Variants in IGSF3 observed in about 807,000 individuals in gnomAD.
IGSF3 encodes glu-Trp-Ile EWI motif-containing protein 3.
IGSF3 carries 23 observed loss-of-function variants against 114.4 expected under a neutral mutation model. The ratio of observed to expected loss-of-function variants is 0.20; its 90% CI spans 0.14 to 0.28. The LOEUF is 0.28. IGSF3 is among the 10% of genes least tolerant of loss of function. The pLI, the probability that IGSF3 is intolerant of heterozygous loss-of-function variation, is 1.00. For missense variants in IGSF3, 1,172 were observed against 1,591.5 expected (o/e 0.74, Z 4.48); for synonymous variants, 571 against 645.2 (o/e 0.88, Z 1.74).
intron 8 of IGSF3, among the ~76,000 whole-genome samples, chr1:116,586,942 A>G (rs1034280024): frequency 6.6e-6 from 1 of 152,032 alleles, no homozygotes; most frequent in African/African-American, 2.4e-5. Context: ...TTCAGACCAG[A>G]GCTTCCTGTT....
chr1:116,579,325 C>G lies in IGSF3; in HGVS notation c.3334+67G>C. ...CTGTTTATTAACCCATAATCAAGCT[C>G]AAATTTATCTTCCAGACACAGTTGG... On this transcript the variant is annotated intron_variant, in intron 10 of 10. Transcript: ENST00000369486. The surrounding 1 kb of genome is among the most constrained non-coding windows in gnomAD (Gnocchi z 6.4). 5 of 1,509,494 alleles carry G rather than the reference C, an allele frequency of 3.3e-6. No homozygotes were observed. Among genetic ancestry groups the G allele is most frequent in the Non-Finnish European group, 4.4e-6 (5 of 1,129,330 alleles). 93.5% of individuals were successfully genotyped at this position (1,509,494 alleles called of 1,614,324 possible). A position where few individuals can be genotyped will look rare whatever the true frequency, so the allele number is the denominator to read the frequency against.
rs1343417664 is a variant in IGSF3 at position 116,657,153 on chromosome 1, A to G, written c.43+9131T>C. Among the ~76,000 whole-genome samples the G allele has an allele frequency of 6.6e-6, 1 of 152,286 alleles. No individual in the cohort carries two copies. Among genetic ancestry groups the G allele is most frequent in the Non-Finnish European group, 1.5e-5 (1 of 68,032 alleles). The stretch of plus-strand genomic sequence containing the variant: ...AAAGACTGTAAAATTTCATTCTCTG[A>G]AAGTCTTTTTAAAAAGGAATAGATT... On this transcript the variant is annotated intron_variant, in intron 2 of 10. Coordinates refer to ENST00000369486, the MANE Select transcript of IGSF3 (RefSeq NM_001007237.3). This position sits in a 1 kb window ranked among gnomAD's most constrained non-coding sequence, Gnocchi z 4.2.
At chr1:116,635,549 C>T (rs531499502) in intron 2 of IGSF3, among the ~76,000 whole-genome samples, 159 of 152,376 alleles carry the variant, frequency 1.0e-3, no homozygotes, top group African/African-American at 3.6e-3. Flanking sequence ...AGTACATCAT[C>T]CTTTCCAATG....
At chr1:116,590,384 C>A (rs1280380804) in intron 7 of IGSF3, among the ~76,000 whole-genome samples, 5 of 150,022 alleles carry the variant, frequency 3.3e-5, no homozygotes, top group Admixed American at 6.6e-5. Context: ...AAAAAAAAAA[C>A]AAAAAAACAA....
chr1:116,575,737 G>A lies in IGSF3; in HGVS notation c.*1575C>T, dbSNP rs1185703633. The A allele has an allele frequency of 6.6e-6, 1 of 152,240 alleles. No homozygotes were observed. Among genetic ancestry groups the A allele is most frequent in the Non-Finnish European group, 1.5e-5 (1 of 68,058 alleles). The allele number at this position is 152,240 out of a possible 1,614,324, so 9.4% of individuals were successfully genotyped here. A position where few individuals can be genotyped will look rare whatever the true frequency, so the allele number is the denominator to read the frequency against. On this transcript the variant is annotated 3_prime_UTR_variant, in exon 11 of 11. Transcript: ENST00000369486. This position sits in a 1 kb window ranked among gnomAD's most constrained non-coding sequence, Gnocchi z 5.6. ...AAGGGTATAAGAACATCTTCATAAA[G>A]GGAGCAAAAGGAAATATTTGCAATT...
In IGSF3 at chr1:116,634,874, C is replaced by A. The variant is rs941719700; in HGVS notation, c.44-18417G>T. On this transcript the variant is annotated intron_variant, in intron 2 of 10. Transcript: ENST00000369486. The surrounding 1 kb of genome is among the most constrained non-coding windows in gnomAD (Gnocchi z 4.2). ...CTGAGTTGCGGTGTAAGCCATCTGC[C>A]TGCTCCGAGCCCGCCACACTATAAG... is the stretch of plus-strand genomic sequence containing the variant. 6.6e-6 allele frequency among the ~76,000 whole-genome samples: 1 copy of A among 152,092 alleles called. No individual in the cohort carries two copies. Among genetic ancestry groups the A allele is most frequent in the African/African-American group, 2.4e-5 (1 of 41,410 alleles).
chr1:116,639,216 G>A (rs993988949), intron 2 of IGSF3, among the ~76,000 whole-genome samples: 25 of 152,320 alleles, frequency 1.6e-4, no homozygotes, highest in Admixed American at 1.5e-3. Flanking sequence ...CGCCAATAGG[G>A]CCAATACTGG....
rs1159691485 is a variant in IGSF3, at chr1:116,638,228, G to A, written c.44-21771C>T. 6.6e-6 allele frequency among the ~76,000 whole-genome samples: 1 copy of A among 152,142 alleles called. No individual in the cohort carries two copies. Among genetic ancestry groups the A allele is most frequent in the African/African-American group, 2.4e-5 (1 of 41,428 alleles). The stretch of plus-strand genomic sequence containing the variant: ...TCTTTTGTTCTTTCATCAAGCCAGG[G>A]ACTCCTGCTCCTCTCTCCCTAGTCT... On this transcript the variant is annotated intron_variant, in intron 2 of 10. Coordinates refer to ENST00000369486, the MANE Select transcript of IGSF3 (RefSeq NM_001007237.3). This position sits in a 1 kb window ranked among gnomAD's most constrained non-coding sequence, Gnocchi z 4.1.
Position 116,615,307 on chromosome 1 carries a change from G to GA in IGSF3, c.421+772dup, listed in dbSNP as rs906107871. Reference sequence around the variant, plus strand: ...CACATACACACACACACACACACACGAAAAAAAAAAGGTCTCCTGCTGGGA... The same window carrying GA: ...CACATACACACACACACACACACACGAAAAAAAAAAAGGTCTCCTGCTGGGA... On this transcript the variant is annotated intron_variant, in intron 3 of 10. Coordinates refer to ENST00000369486, the MANE Select transcript of IGSF3 (RefSeq NM_001007237.3). This position sits in a 1 kb window ranked among gnomAD's most constrained non-coding sequence, Gnocchi z 4.3. 8.8e-5 allele frequency among the ~76,000 whole-genome samples: 12 copies of GA among 136,456 alleles called. No individual in the cohort carries two copies. Among genetic ancestry groups the GA allele is most frequent in the Admixed American group, 4.3e-4 (6 of 13,872 alleles). The allele number at this position is 136,456 out of a possible 152,430, so 89.5% of individuals were successfully genotyped here. A position where few individuals can be genotyped will look rare whatever the true frequency, so the allele number is the denominator to read the frequency against.
At position 116,582,523 on chromosome 1, in the gene IGSF3, G is replaced by C. The variant is rs1256151098; in HGVS notation, c.2848+2122C>G. Among the ~76,000 whole-genome samples, 2 of 152,188 alleles carry C rather than the reference G, an allele frequency of 1.3e-5. No individual in the cohort carries two copies. Among genetic ancestry groups the C allele is most frequent in the African/African-American group, 4.8e-5 (2 of 41,438 alleles). On this transcript the variant is annotated intron_variant, in intron 9 of 10. Coordinates refer to ENST00000369486, the MANE Select transcript of IGSF3 (RefSeq NM_001007237.3). This position sits in a 1 kb window ranked among gnomAD's most constrained non-coding sequence, Gnocchi z 4.7. Reference sequence around the variant, plus strand: ...TGAATGTCAACTCTCAGCAGTGGAAGGTGATTATTTTCCTAACAATACTTT... The same window carrying C: ...TGAATGTCAACTCTCAGCAGTGGAACGTGATTATTTTCCTAACAATACTTT...
chr1:116,646,643 G>C (rs979059282), intron 2 of IGSF3, among the ~76,000 whole-genome samples: 4 of 152,150 alleles, frequency 2.6e-5, no homozygotes, highest in Non-Finnish European at 5.9e-5. Context: ...AGGAGGTAGA[G>C]AGAGCTACAC....
In IGSF3 at chr1:116,575,104, C is replaced by T. The variant is rs561555963; in HGVS notation, c.*2208G>A. Reference sequence around the variant, plus strand: ...ATCCTAGTCCCAGCCAGCGCTCTGGCAACCTCCCATTTAGACAGAGGAAAC... The same window carrying T: ...ATCCTAGTCCCAGCCAGCGCTCTGGTAACCTCCCATTTAGACAGAGGAAAC... On this transcript the variant is annotated 3_prime_UTR_variant, in exon 11 of 11. Coordinates refer to ENST00000369486, the MANE Select transcript of IGSF3 (RefSeq NM_001007237.3). This position sits in a 1 kb window ranked among gnomAD's most constrained non-coding sequence, Gnocchi z 5.6. 1 of 152,758 alleles carries T rather than the reference C, an allele frequency of 6.5e-6. No homozygotes were observed. Among genetic ancestry groups the T allele is most frequent in the South Asian group, 2.1e-4 (1 of 4,820 alleles). The allele number at this position is 152,758 out of a possible 1,614,324, so 9.5% of individuals were successfully genotyped here. A position where few individuals can be genotyped will look rare whatever the true frequency, so the allele number is the denominator to read the frequency against.
chr1:116,609,740 A>G lies in IGSF3; in HGVS notation c.833-1409T>C, dbSNP rs939101532. Among the ~76,000 whole-genome samples the G allele has an allele frequency of 4.6e-5, 7 of 152,048 alleles. No homozygotes were observed. In the East Asian group the frequency reaches 1.2e-3, roughly 25 times the overall value. ...ACTGGCATGTCTAGCCTTTCCCACT[A>G]TCTTCAAGATCTTGCCCATTCATCC... On this transcript the variant is annotated intron_variant, in intron 4 of 10. Transcript: ENST00000369486.
chr1:116,588,700 G>A lies in IGSF3; in HGVS notation c.2434C>T (p.Gln812Ter). 1 of 1,591,366 alleles carries A rather than the reference G, an allele frequency of 6.3e-7. No homozygotes were observed. The highest frequency in any genetic ancestry group is 8.6e-7 in the Non-Finnish European group (1 of 1,167,878). ...CCGTGCCCTGCGGCCTTACCTGGCT[G>A]TTTCACAGTGACTTCTGTGCGCCCA... ...VSGRTEVTVK[Q>*]PDSRLRLSQA... Residue 812 changes from glutamine (Q) to a stop codon, truncating the protein, a stop_gained, in exon 8 of 11, where the codon CAG becomes TAG. Coordinates refer to ENST00000369486, the MANE Select transcript of IGSF3 (RefSeq NM_001007237.3). LOFTEE classifies it high-confidence loss of function. This position sits in a 1 kb window ranked among gnomAD's most constrained non-coding sequence, Gnocchi z 4.9.
Position 116,638,041 on chromosome 1 carries a change from C to T in IGSF3, c.44-21584G>A, listed in dbSNP as rs957479816. Among the ~76,000 whole-genome samples, 1 of 152,184 alleles carries T rather than the reference C, an allele frequency of 6.6e-6. No individual in the cohort carries two copies. The highest frequency in any genetic ancestry group is 1.5e-5 in the Non-Finnish European group (1 of 68,032). Reference sequence around the variant, plus strand: ...TCCTTCTTGCTGGCATCCACAGTAACTATACTCAATAAACACACCAACTTT... The same window carrying T: ...TCCTTCTTGCTGGCATCCACAGTAATTATACTCAATAAACACACCAACTTT... On this transcript the variant is annotated intron_variant, in intron 2 of 10. Transcript: ENST00000369486. This position sits in a 1 kb window ranked among gnomAD's most constrained non-coding sequence, Gnocchi z 4.1.
rs542726228 is a variant in IGSF3 at position 116,656,181 on chromosome 1, T to TA, written c.43+10102dup. 3.2e-4 allele frequency among the ~76,000 whole-genome samples: 48 copies of TA among 151,390 alleles called. No homozygotes were observed. In the East Asian group the frequency reaches 8.0e-3, roughly 25 times the overall value. Reference sequence around the variant, plus strand: ...CAGAAAAAATATATTTGTGTAAGTATATACATAGAAAAGGGTCTGGAAGAA... The same window carrying TA: ...CAGAAAAAATATATTTGTGTAAGTATAATACATAGAAAAGGGTCTGGAAGAA... On this transcript the variant is annotated intron_variant, in intron 2 of 10. Coordinates refer to ENST00000369486, the MANE Select transcript of IGSF3 (RefSeq NM_001007237.3).
Position 116,628,216 on chromosome 1 carries a change from A to C in IGSF3, c.44-11759T>G, listed in dbSNP as rs1189469976. Among the ~76,000 whole-genome samples the C allele has an allele frequency of 6.6e-6, 1 of 150,818 alleles. No individual in the cohort carries two copies. The highest frequency in any genetic ancestry group is 1.5e-5 in the Non-Finnish European group (1 of 67,598). On this transcript the variant is annotated intron_variant, in intron 2 of 10. Coordinates refer to ENST00000369486, the MANE Select transcript of IGSF3 (RefSeq NM_001007237.3). The surrounding 1 kb of genome is among the most constrained non-coding windows in gnomAD (Gnocchi z 4.2). ...GCCTTGCAAGGACCAGAACTGGAAAACCTTTGTGACTTAGACCACCCTCCT... is the reference window on the plus strand; with the variant it reads ...GCCTTGCAAGGACCAGAACTGGAAACCCTTTGTGACTTAGACCACCCTCCT...
At position 116,603,104 on chromosome 1, in the gene IGSF3, G is replaced by T. The variant is rs1660659979; in HGVS notation, c.1624+520C>A. Among the ~76,000 whole-genome samples the T allele has an allele frequency of 6.6e-6, 1 of 152,208 alleles. No homozygotes were observed. Among genetic ancestry groups the T allele is most frequent in the African/African-American group, 2.4e-5 (1 of 41,436 alleles). ...GGGACAACTAAGCTTAAGTGTTAAGGATCAGGCAGGAACATAGTAAATGCT... is the reference window on the plus strand; with the variant it reads ...GGGACAACTAAGCTTAAGTGTTAAGTATCAGGCAGGAACATAGTAAATGCT... On this transcript the variant is annotated intron_variant, in intron 6 of 10. Transcript: ENST00000369486. This position sits in a 1 kb window ranked among gnomAD's most constrained non-coding sequence, Gnocchi z 7.1.
rs1232272064 is a variant in IGSF3, at chr1:116,598,760, G to C, written c.2029+1181C>G. On this transcript the variant is annotated intron_variant, in intron 7 of 10. Coordinates refer to ENST00000369486, the MANE Select transcript of IGSF3 (RefSeq NM_001007237.3). This position sits in a 1 kb window ranked among gnomAD's most constrained non-coding sequence, Gnocchi z 4.3. ...CAGCCGAGGCATGGGCTGGGCGAGGGAAGGAACACGGGAGCCTACTGCCTG... is the reference window on the plus strand; with the variant it reads ...CAGCCGAGGCATGGGCTGGGCGAGGCAAGGAACACGGGAGCCTACTGCCTG... Among the ~76,000 whole-genome samples the C allele has an allele frequency of 1.3e-5, 2 of 152,182 alleles. No individual in the cohort carries two copies. Among genetic ancestry groups the C allele is most frequent in the East Asian group, 3.9e-4 (2 of 5,186 alleles).
Sources: gnomAD v4.1 joint callset for allele counts (sites outside exome capture counted in the v4.1 genomes callset) on GRCh38, gnomAD v4.1.1 for gene constraint, Gnocchi (gnomAD v3.1) non-coding constraint, MANE v1.5 for transcripts, NCBI Gene and HGNC (gene_info 2026-07-23, HGNC 2026-07-21) for gene names.